The following COL4A4 variants were observed in gnomAD, a reference collection of about 807,000 sequenced individuals.
The protein encoded by COL4A4 is collagen type IV alpha 4 chain, also known as collagen alpha-4(IV) chain.
Under a neutral mutation model 192.9 loss-of-function variants are expected in COL4A4, and 105 were observed. The ratio of observed to expected loss-of-function variants is 0.54; its 90% CI spans 0.46 to 0.64. The LOEUF (loss-of-function observed/expected upper bound fraction) is 0.64, where lower values mean the gene tolerates loss of function less well. Among genes scored for constraint, COL4A4 ranks in the 30% least tolerant of loss-of-function variants. The pLI, the probability that COL4A4 is intolerant of heterozygous loss-of-function variation, is 0.00. For missense variants in COL4A4, 1,967 were observed against 2,169.3 expected (o/e 0.91, Z 1.85); for synonymous variants, 762 against 769.9 (o/e 0.99, Z 0.17).
At position 227,007,350 on chromosome 2, in the gene COL4A4, C is replaced by T. The variant is rs1386495377; in HGVS notation, c.5048G>A (p.Cys1683Tyr). The T allele has an allele frequency of 3.7e-6, 6 of 1,614,128 alleles. No individual in the cohort carries two copies. Among genetic ancestry groups the T allele is most frequent in the Non-Finnish European group, 5.1e-6 (6 of 1,180,054 alleles). The change falls in exon 48 of 48, where the codon TGC (cysteine) becomes TAC (tyrosine). Residue 1683 changes from cysteine to tyrosine, a missense_variant. By Grantham distance (194) the Cys-to-Tyr change is radical. Coordinates refer to ENST00000396625, the MANE Select transcript of COL4A4 (RefSeq NM_000092.5). ...SQAQRQKISRCQVCVKYS is the reference protein window; with the variant it reads ...SQAQRQKISRYQVCVKYS ...CTAGCTATACTTCACGCAGACCTGG[C>T]ACCGGCTGATTTTCTGGCGTTGGGC... is the stretch of plus-strand genomic sequence containing the variant.
At chr2:227,054,309 G>A (rs1386279719) in intron 31 of COL4A4, among the ~76,000 whole-genome samples, 2 of 152,108 alleles carry the variant, frequency 1.3e-5, no homozygotes, top group South Asian at 2.1e-4. Context: ...TTCCCAAAAG[G>A]TGAGAAAGTT....
Position 227,101,900 on chromosome 2 carries a change from C to A in COL4A4, c.940G>T (p.Gly314Cys). 1 of 1,597,430 alleles carries A rather than the reference C, an allele frequency of 6.3e-7. No homozygotes were observed. Among genetic ancestry groups the A allele is most frequent in the South Asian group, 1.1e-5 (1 of 89,172 alleles). ...PGFPGPRGDP[G>C]SYGSPGFPGL... ...GGAAAACCTGGAGATCCATAGGAACCAGGATCCCCCTAATAAATTCACAAA... is the reference window on the plus strand; with the variant it reads ...GGAAAACCTGGAGATCCATAGGAACAAGGATCCCCCTAATAAATTCACAAA... The change falls in exon 16 of 48, where the codon GGT (glycine) becomes TGT (cysteine). Residue 314 changes from glycine (G) to cysteine (C), a missense_variant. By Grantham distance (159) the Gly-to-Cys change is radical. Coordinates refer to ENST00000396625, the MANE Select transcript of COL4A4 (RefSeq NM_000092.5).
At chr2:227,071,381 G>T (rs1199396241) in intron 25 of COL4A4, among the ~76,000 whole-genome samples, 1 of 152,004 alleles carries the variant, frequency 6.6e-6, no homozygotes, top group East Asian at 1.9e-4. Context: ...CCAAACACTG[G>T]AGCTTTTAGA....
At chr2:227,067,202 C>T (rs1334515481) in intron 25 of COL4A4, among the ~76,000 whole-genome samples, 3 of 152,116 alleles carry the variant, frequency 2.0e-5, no homozygotes, top group African/African-American at 4.8e-5. Flanking sequence ...TACAGGAGCA[C>T]CCAGATTCAT....
intron 25 of COL4A4, among the ~76,000 whole-genome samples, chr2:227,067,327 G>A (rs2058408725): frequency 6.6e-6 from 1 of 152,058 alleles, no homozygotes; most frequent in South Asian, 2.1e-4. Context: ...AAGTCAACAA[G>A]GATACACAGG....
At chr2:227,062,714 AG>A in intron 25 of COL4A4, 116 bp from the exon 26 acceptor site, 1 of 747,960 alleles carries the variant, frequency 1.3e-6, no homozygotes, top group Non-Finnish European at 2.4e-6. Context: ...CAGAAGTCAA[AG>A]AAAAAGAAGA....
chr2:227,028,034 A>T (rs1967356655), intron 41 of COL4A4, 25 bp from the exon 42 acceptor site: 1 of 1,433,902 alleles, frequency 7.0e-7, no homozygotes, highest in East Asian at 2.3e-5. Context: ...AAACATAAAA[A>T]TGAGGGCACT....
chr2:226,978,510 G>A, the COL4A4 span, among the ~76,000 whole-genome samples: 1 of 152,074 alleles, frequency 6.6e-6, no homozygotes, highest in Non-Finnish European at 1.5e-5. Context: ...CACCTACGTC[G>A]AGCCTCAGTC....
At position 227,088,697 on chromosome 2, in the gene COL4A4, C is replaced by A. The variant is rs779930511; in HGVS notation, c.1579G>T (p.Gly527Cys). The A allele has an allele frequency of 1.9e-6, 3 of 1,613,988 alleles. No homozygotes were observed. The highest frequency in any genetic ancestry group is 2.5e-6 in the Non-Finnish European group (3 of 1,180,006). Residue 527 changes from glycine (G) to cysteine (C), a missense_variant, in exon 22 of 48, where the codon GGT (glycine) becomes TGT (cysteine). Physicochemically the swap from Gly to Cys is radical, Grantham distance 159. Transcript: ENST00000396625. ...TCAGCACCAGGAGGTCCTGGGTCACCTTTTGTTCCAAGCCAGCCAGGGAGC... is the reference window on the plus strand; with the variant it reads ...TCAGCACCAGGAGGTCCTGGGTCACATTTTGTTCCAAGCCAGCCAGGGAGC... Reference protein sequence around the residue: ...LGLPGWLGTKGDPGPPGAEGP... With the variant: ...LGLPGWLGTKCDPGPPGAEGP...
At chr2:227,086,189 T>C (rs1389710478) in intron 22 of COL4A4, among the ~76,000 whole-genome samples, 1 of 152,188 alleles carries the variant, frequency 6.6e-6, no homozygotes, top group Non-Finnish European at 1.5e-5. Context: ...GGTTCAATTA[T>C]ACAAACAATT....
the COL4A4 span, chr2:226,995,665 C>G: frequency 2.4e-5 from 16 of 655,896 alleles, no homozygotes; most frequent in Non-Finnish European, 4.4e-5. Context: ...TCACCTGGGA[C>G]AGTCCCATGG....
At position 227,045,858 on chromosome 2, in the gene COL4A4, A is replaced by ATGTATATG. The variant is rs1559488273; in HGVS notation, c.3289+1616_3289+1617insCATATACA. On this transcript the variant is annotated intron_variant, in intron 35 of 47. Transcript: ENST00000396625. Reference sequence around the variant, plus strand: ...CACACATATATATATACACATATATATATACACATATATATACATATATAT... The same window carrying ATGTATATG: ...CACACATATATATATACACATATATATGTATATGTATACACATATATATACATATATAT... 1.0e-3 allele frequency among the ~76,000 whole-genome samples: 77 copies of ATGTATATG among 76,868 alleles called. 7 individuals are homozygous for ATGTATATG. Among genetic ancestry groups the ATGTATATG allele is most frequent in the African/African-American group, 3.5e-3 (61 of 17,652 alleles). 50.4% of individuals were successfully genotyped at this position (76,868 alleles called of 152,430 possible). A position where few individuals can be genotyped will look rare whatever the true frequency, so the allele number is the denominator to read the frequency against.
At chr2:227,059,997 G>T in intron 27 of COL4A4, 139 bp downstream of exon 27, 1 of 664,158 alleles carries the variant, frequency 1.5e-6, no homozygotes. Context: ...GGTCTATCAA[G>T]AAACACCATT....
intron 22 of COL4A4, among the ~76,000 whole-genome samples, chr2:227,087,255 C>T (rs913738264): frequency 6.6e-6 from 1 of 152,222 alleles, no homozygotes; most frequent in South Asian, 2.1e-4. Context: ...CATGATATCA[C>T]GTAAACTCTG....
chr2:227,160,424 T>C (rs535228158), intron 1 of COL4A4, among the ~76,000 whole-genome samples: 3 of 152,230 alleles, frequency 2.0e-5, no homozygotes, highest in Non-Finnish European at 4.4e-5. Flanking sequence ...GTGTCACATC[T>C]AGGAGGAAGG....
chr2:227,113,456 C>A (rs1475040703), intron 8 of COL4A4, among the ~76,000 whole-genome samples: 1 of 152,144 alleles, frequency 6.6e-6, no homozygotes, highest in Non-Finnish European at 1.5e-5. Context: ...TGGGACATTA[C>A]CATTTACAAT....
intron 18 of COL4A4, among the ~76,000 whole-genome samples, chr2:227,099,220 C>A (rs1037452788): frequency 1.3e-5 from 2 of 152,084 alleles, no homozygotes; most frequent in Admixed American, 1.3e-4. Flanking sequence ...GCATGTGCCA[C>A]CACACCCAGC....
the COL4A4 span, among the ~76,000 whole-genome samples, chr2:226,971,768 T>C: frequency 1.3e-5 from 2 of 152,186 alleles, no homozygotes; most frequent in African/African-American, 2.4e-5. Context: ...TTATCTGTCA[T>C]GTAATTTGTG....
Position 227,151,897 on chromosome 2 carries a change from C to T in COL4A4, c.-101-4313G>A, listed in dbSNP as rs906535782. On this transcript the variant is annotated intron_variant, in intron 1 of 47. Transcript: ENST00000396625. ...GCCTTGGCATTGCACTTCCCAGCCT[C>T]CAGCACTGTGAGCAATAAACCTCTG... Among the ~76,000 whole-genome samples the T allele has an allele frequency of 2.0e-4, 31 of 152,320 alleles. 1 individual carries two copies. Among genetic ancestry groups the T allele is most frequent in the African/African-American group, 7.0e-4 (29 of 41,576 alleles).
Sources: allele counts gnomAD v4.1 joint callset (sites outside exome capture counted in the v4.1 genomes callset), GRCh38; gene constraint gnomAD v4.1.1; transcripts MANE v1.5; gene names NCBI Gene and HGNC (gene_info 2026-07-23, HGNC 2026-07-21).